Variants in PALM2AKAP2 observed in about 807,000 individuals in gnomAD.
PALM2AKAP2 encodes the protein PALM2-AKAP2 fusion protein.
PALM2AKAP2 carries 37 observed loss-of-function variants against 71.5 expected under a neutral mutation model. The ratio of observed to expected loss-of-function variants is 0.52; its 90% CI spans 0.40 to 0.68. The LOEUF (loss-of-function observed/expected upper bound fraction) is 0.68. PALM2AKAP2 is among the 30% of genes least tolerant of loss of function. The pLI, the probability that PALM2AKAP2 is intolerant of heterozygous loss-of-function variation, is 0.00. For synonymous variants in PALM2AKAP2, 468 were observed against 478.8 expected (o/e 0.98, Z 0.29); for missense variants, 1,224 against 1,191.8 (o/e 1.03, Z -0.40).
At chr9:109,694,813 T>G (rs1477927163) in intron 1 of PALM2AKAP2, among the ~76,000 whole-genome samples, 2 of 151,976 alleles carry the variant, frequency 1.3e-5, no homozygotes, top group Non-Finnish European at 2.9e-5. Context: ...TAGTACAGAA[T>G]CAGACTTAGA....
At chr9:109,780,406 CGG>C, upstream of PALM2AKAP2, 1 of 1,610,738 alleles carries the variant, frequency 6.2e-7, no homozygotes, top group Admixed American at 1.7e-5. Flanking sequence ...CAAAGCCCCC[CGG>C]GGTGCCCATC....
chr9:109,877,250 C>G (rs1307287616), intron 2 of PALM2AKAP2, among the ~76,000 whole-genome samples: 1 of 152,028 alleles, frequency 6.6e-6, no homozygotes, highest in Admixed American at 6.5e-5. Context: ...CTACCCCTCC[C>G]AAATAATTAG....
intron 1 of PALM2AKAP2, among the ~76,000 whole-genome samples, chr9:109,676,131 A>G (rs1480745615): frequency 6.6e-6 from 1 of 152,194 alleles, no homozygotes; most frequent in Admixed American, 6.5e-5. Context: ...GCTTCAGGAA[A>G]AGAGAACAGC....
At chr9:110,136,050 A>G (rs2119098185) in intron 1 of PALM2AKAP2, 77 bp from the exon 8 acceptor site, 1 of 1,481,790 alleles carries the variant, frequency 6.7e-7, no homozygotes, top group East Asian at 2.3e-5. Flanking sequence ...CCTCTTAATT[A>G]TGAGTCAGTT....
chr9:109,709,388 A>G (rs1223845013), intron 1 of PALM2AKAP2, among the ~76,000 whole-genome samples: 2 of 152,092 alleles, frequency 1.3e-5, no homozygotes, highest in African/African-American at 2.4e-5. Flanking sequence ...CTTTGTTGCT[A>G]TGAGCTTTGA....
At chr9:109,993,648 A>G (rs1588048680) in intron 6 of PALM2AKAP2, among the ~76,000 whole-genome samples, 1 of 152,140 alleles carries the variant, frequency 6.6e-6, no homozygotes, top group Non-Finnish European at 1.5e-5. Flanking sequence ...GGCCAAAACC[A>G]TCACTGTCTA....
chr9:110,094,459 C>G (rs1176729371), intron 1 of PALM2AKAP2, among the ~76,000 whole-genome samples: 1 of 152,146 alleles, frequency 6.6e-6, no homozygotes, highest in Non-Finnish European at 1.5e-5. Context: ...TTAACTGGCT[C>G]ATGATTCCAC....
intron 3 of PALM2AKAP2, among the ~76,000 whole-genome samples, chr9:109,903,492 CCT>C (rs1830374952): frequency 6.6e-6 from 1 of 152,124 alleles, no homozygotes; most frequent in Non-Finnish European, 1.5e-5. Flanking sequence ...ACTTTTTCTC[CCT>C]GTTCCTGGGT....
intron 1 of PALM2AKAP2, among the ~76,000 whole-genome samples, chr9:109,674,004 G>A (rs1368805874): frequency 6.6e-6 from 1 of 151,818 alleles, no homozygotes; most frequent in South Asian, 2.1e-4. Context: ...TTCATGTGAG[G>A]TGAGTCTCTT....
chr9:109,869,577 A>T (rs1829549150), intron 2 of PALM2AKAP2, among the ~76,000 whole-genome samples: 2 of 150,860 alleles, frequency 1.3e-5, no homozygotes, highest in Non-Finnish European at 2.9e-5. Flanking sequence ...TGACATTGTG[A>T]TCCACCCGCC....
chr9:110,090,067 C>G (rs182985709), intron 1 of PALM2AKAP2: 4 of 213,246 alleles, frequency 1.9e-5, no homozygotes, highest in Admixed American at 1.6e-4. Flanking sequence ...GCTGTGTAAA[C>G]GTAAATACAC....
At chr9:109,721,728 G>A (rs916275689) in intron 1 of PALM2AKAP2, among the ~76,000 whole-genome samples, 1 of 152,146 alleles carries the variant, frequency 6.6e-6, no homozygotes, top group African/African-American at 2.4e-5. Flanking sequence ...TTGTCTGGTT[G>A]AGATCTAGTG....
chr9:109,761,805 G>C (rs1222982444), intron 1 of PALM2AKAP2, among the ~76,000 whole-genome samples: 1 of 152,094 alleles, frequency 6.6e-6, no homozygotes, highest in Non-Finnish European at 1.5e-5. Flanking sequence ...CCAAGTCTTT[G>C]CTATTGTAAA....
intron 1 of PALM2AKAP2, among the ~76,000 whole-genome samples, chr9:109,669,732 T>C (rs1827546944): frequency 7.8e-6 from 1 of 128,696 alleles, no homozygotes; most frequent in African/African-American, 2.9e-5. Context: ...TTTATTGACA[T>C]AAAGTTTTTC....
chr9:109,985,226 C>T (rs1433405080), intron 6 of PALM2AKAP2, among the ~76,000 whole-genome samples: 3 of 151,986 alleles, frequency 2.0e-5, no homozygotes, highest in East Asian at 3.9e-4. Flanking sequence ...ATATTTTGCA[C>T]GTTACCTTTT....
At position 109,653,055 on chromosome 9, in the gene PALM2AKAP2, C is replaced by A. The variant is rs552920156; in HGVS notation, c.5+12189C>A. 8.4e-4 allele frequency among the ~76,000 whole-genome samples: 128 copies of A among 152,304 alleles called. 1 individual carries two copies. Among genetic ancestry groups the A allele is most frequent in the African/African-American group, 3.0e-3 (125 of 41,566 alleles). ...TCATTTACTTAAAAAATTAGCAACC[C>A]AAATCCTGTATTAAAACTAGTTTGA... On this transcript the variant is annotated intron_variant, in intron 1 of 6. Transcript: ENST00000374531.
upstream of PALM2AKAP2, among the ~76,000 whole-genome samples, chr9:110,047,185 A>G (rs1049590125): frequency 6.6e-6 from 1 of 152,246 alleles, no homozygotes; most frequent in Non-Finnish European, 1.5e-5. Context: ...GAAATTCAAT[A>G]GTATAAGAGA....
At chr9:109,688,914 T>G (rs1020683035) in intron 1 of PALM2AKAP2, among the ~76,000 whole-genome samples, 2 of 152,176 alleles carry the variant, frequency 1.3e-5, no homozygotes, top group African/African-American at 4.8e-5. Flanking sequence ...TGATGCCAAA[T>G]GTATTTTTCT....
chr9:110,035,395 C>A (rs546915766), intron 7 of PALM2AKAP2, among the ~76,000 whole-genome samples: 3 of 132,172 alleles, frequency 2.3e-5, no homozygotes, highest in African/African-American at 8.8e-5. Context: ...ATGTATAATA[C>A]ATATACGTAT....
Sources: gnomAD v4.1 joint callset for allele counts (sites outside exome capture counted in the v4.1 genomes callset) on GRCh38, gnomAD v4.1.1 for gene constraint, MANE v1.5 for transcripts, NCBI Gene and HGNC (gene_info 2026-07-23, HGNC 2026-07-21) for gene names.